CADM2: variants seen among roughly 807,000 people sequenced by gnomAD.
CADM2 encodes the protein immunoglobulin superfamily member 4D.
Under a neutral mutation model 49.8 loss-of-function variants are expected in CADM2, and 12 were observed. The ratio of observed to expected loss-of-function variants is 0.24; its 90% CI spans 0.15 to 0.39. The LOEUF (loss-of-function observed/expected upper bound fraction) is 0.39. Ranked by LOEUF, CADM2 falls within the 10% of genes least tolerant of loss-of-function variation. CADM2 has a pLI of 1.00. For missense variants in CADM2, 378 were observed against 492.3 expected (o/e 0.77, Z 2.20); for synonymous variants, 214 against 175.4 (o/e 1.22, Z -1.74).
intron 8 of CADM2, among the ~76,000 whole-genome samples, chr3:86,048,833 TC>T (rs1470229567): frequency 1.3e-5 from 2 of 152,058 alleles, no homozygotes; most frequent in Non-Finnish European, 2.9e-5. Flanking sequence ...CTACATAAGA[TC>T]CCATCTCATT....
chr3:85,972,983 A>G (rs962021871), intron 8 of CADM2, among the ~76,000 whole-genome samples: 4 of 151,786 alleles, frequency 2.6e-5, no homozygotes, highest in African/African-American at 9.7e-5. Context: ...TGCGTTTAGA[A>G]TATAGAACTA....
intron 1 of CADM2, among the ~76,000 whole-genome samples, chr3:85,077,023 A>G (rs1559648423): frequency 6.6e-6 from 1 of 152,186 alleles, no homozygotes; most frequent in East Asian, 1.9e-4. Context: ...TTTAGAATAC[A>G]TTGTATATGT....
intron 8 of CADM2, among the ~76,000 whole-genome samples, chr3:86,065,163 G>C (rs906392099): frequency 6.6e-6 from 1 of 152,014 alleles, no homozygotes; most frequent in African/African-American, 2.4e-5. Context: ...AATTTCCATA[G>C]CTGTAATAAC....
intron 1 of CADM2, among the ~76,000 whole-genome samples, chr3:85,564,227 G>A (rs539567573): frequency 2.9e-4 from 43 of 150,582 alleles, no homozygotes; most frequent in African/African-American, 9.3e-4. Context: ...TAAAATACAC[G>A]TAACATAAAA....
chr3:85,439,841 A>T (rs1034519306), intron 1 of CADM2, among the ~76,000 whole-genome samples: 1 of 152,210 alleles, frequency 6.6e-6, no homozygotes, highest in Non-Finnish European at 1.5e-5. Context: ...TGCATTAAAT[A>T]GAGGGTTAAA....
intron 7 of CADM2, among the ~76,000 whole-genome samples, chr3:85,954,573 C>G (rs1723815631): frequency 6.6e-6 from 1 of 151,092 alleles, no homozygotes; most frequent in African/African-American, 2.4e-5. Flanking sequence ...CTCCTCTTCT[C>G]CTTTTTTCTT....
At chr3:85,855,024 C>T (rs1193376376) in intron 3 of CADM2, among the ~76,000 whole-genome samples, 1 of 151,980 alleles carries the variant, frequency 6.6e-6, no homozygotes, top group Non-Finnish European at 1.5e-5. Flanking sequence ...TTTATCAGAC[C>T]TCATCAAAGG....
rs574396339 is a variant in CADM2, at chr3:85,622,463, T to A, written c.62-104059T>A. Among the ~76,000 whole-genome samples, 9 of 152,306 alleles carry A rather than the reference T, an allele frequency of 5.9e-5. No individual in the cohort carries two copies. The East Asian group carries it at 1.7e-3, about 29-fold the overall frequency. ...TCCATTGCTGTTAATGAACTTGTGATAATAGTTTAGTTCATTTAGATTTGC... is the reference window on the plus strand; with the variant it reads ...TCCATTGCTGTTAATGAACTTGTGAAAATAGTTTAGTTCATTTAGATTTGC... On this transcript the variant is annotated intron_variant, in intron 1 of 9. Coordinates refer to ENST00000383699, the MANE Select transcript of CADM2 (RefSeq NM_001167675.2).
intron 1 of CADM2, among the ~76,000 whole-genome samples, chr3:85,376,923 T>C (rs533847035): frequency 2.0e-5 from 3 of 152,228 alleles, no homozygotes; most frequent in South Asian, 2.1e-4. Context: ...TGGATCAAAA[T>C]ATTAATATCT....
intron 1 of CADM2, among the ~76,000 whole-genome samples, chr3:85,034,811 T>TTTTTTTTTTTTTTTTTTTTTTTG (rs2035142544): frequency 7.0e-6 from 1 of 143,648 alleles, no homozygotes; most frequent in African/African-American, 2.6e-5. Context: ...TTTTTTTTTT[T>TTTTTTTTTTTTTTTTTTTTTTTG]TTTACCTCCT....
rs148678484 is a variant in CADM2, at chr3:84,993,087, A to G, written c.61+33419A>G. On this transcript the variant is annotated intron_variant, in intron 1 of 9. Coordinates refer to ENST00000383699, the MANE Select transcript of CADM2 (RefSeq NM_001167675.2). Reference sequence around the variant, plus strand: ...AAACAAACTATTTTAAGAAAAAAAAATATGTACTAGAACATAGAACTAAGG... The same window carrying G: ...AAACAAACTATTTTAAGAAAAAAAAGTATGTACTAGAACATAGAACTAAGG... 1.1e-3 allele frequency among the ~76,000 whole-genome samples: 169 copies of G among 152,260 alleles called. 3 individuals are homozygous for G. The East Asian group carries it at 0.03, about 27-fold the overall frequency.
intron 1 of CADM2, among the ~76,000 whole-genome samples, chr3:85,463,716 G>A (rs2038360012): frequency 1.3e-5 from 2 of 152,030 alleles, no homozygotes; most frequent in Admixed American, 1.3e-4. Context: ...AAAATGGTGT[G>A]GAAAATAATT....
At chr3:85,463,538 T>A (rs914590946) in intron 1 of CADM2, among the ~76,000 whole-genome samples, 3 of 152,160 alleles carry the variant, frequency 2.0e-5, no homozygotes, top group Non-Finnish European at 4.4e-5. Context: ...TATCTTAGTG[T>A]CCTATATTTT....
In CADM2 at chr3:85,901,109, G is replaced by T. The variant is rs563197495; in HGVS notation, c.530-11264G>T. 2.6e-5 allele frequency among the ~76,000 whole-genome samples: 4 copies of T among 152,280 alleles called. No individual in the cohort carries two copies. In the South Asian group the frequency reaches 8.3e-4, roughly 32 times the overall value. On this transcript the variant is annotated intron_variant, in intron 5 of 9. Coordinates refer to ENST00000383699, the MANE Select transcript of CADM2 (RefSeq NM_001167675.2). Reference sequence around the variant, plus strand: ...CTACTGGGGAGGCTAAAGCAGAATTGCTTAAACTTGGGAGGCAGAGGTTGC... The same window carrying T: ...CTACTGGGGAGGCTAAAGCAGAATTTCTTAAACTTGGGAGGCAGAGGTTGC...
chr3:85,756,186 C>T (rs528115348), intron 2 of CADM2, among the ~76,000 whole-genome samples: 1 of 151,866 alleles, frequency 6.6e-6, no homozygotes, highest in Non-Finnish European at 1.5e-5. Context: ...TACACCACAG[C>T]ATAAAAAGAG....
chr3:85,797,458 A>G (rs191403017), intron 2 of CADM2, among the ~76,000 whole-genome samples: 354 of 152,056 alleles, frequency 2.3e-3, no homozygotes, highest in Non-Finnish European at 3.9e-3. Flanking sequence ...CCTTGTATCC[A>G]TATATATGTT....
intron 1 of CADM2, among the ~76,000 whole-genome samples, chr3:85,286,414 A>G (rs992783667): frequency 2.6e-5 from 4 of 152,180 alleles, no homozygotes; most frequent in African/African-American, 9.6e-5. Flanking sequence ...AGGAACATCT[A>G]GCATATACAG....
At chr3:85,263,032 G>T (rs1010192569) in intron 1 of CADM2, among the ~76,000 whole-genome samples, 1 of 151,262 alleles carries the variant, frequency 6.6e-6, no homozygotes, top group Non-Finnish European at 1.5e-5. Flanking sequence ...TTGCTCTGTC[G>T]CCCAGGCTGT....
At chr3:85,638,693 A>C (rs1005119738) in intron 1 of CADM2, among the ~76,000 whole-genome samples, 4 of 152,106 alleles carry the variant, frequency 2.6e-5, no homozygotes, top group African/African-American at 7.2e-5. Flanking sequence ...ATTTGCTTTA[A>C]ATGCCTTAAT....
Sources: gnomAD v4.1 joint callset for allele counts (sites outside exome capture counted in the v4.1 genomes callset) on GRCh38, gnomAD v4.1.1 for gene constraint, MANE v1.5 for transcripts, NCBI Gene and HGNC (gene_info 2026-07-23, HGNC 2026-07-21) for gene names.